The following GOLGA8K variants were observed in gnomAD, a reference collection of about 807,000 sequenced individuals.
GOLGA8K encodes the protein golgin A8 family member K.
GOLGA8K carries 12 observed loss-of-function variants against 75.2 expected under a neutral mutation model. The observed-to-expected ratio is 0.16, with a 90% confidence interval of 0.10 to 0.26. The LOEUF is 0.26. Among genes scored for constraint, GOLGA8K ranks in the 10% least tolerant of loss-of-function variants. GOLGA8K has a pLI of 1.00. For synonymous variants in GOLGA8K, 48 were observed against 236.6 expected, an observed-to-expected ratio of 0.20 and a Z score of 7.32; for missense variants, 109 against 640.8, an observed-to-expected ratio of 0.17 and a Z score of 8.96.
chr15:32,391,527 T>C lies in GOLGA8K; in HGVS notation c.*1255A>G, dbSNP rs1203786898. Among the ~76,000 whole-genome samples the C allele has an allele frequency of 3.3e-4, 39 of 117,894 alleles. 1 individual carries two copies. The highest frequency in any genetic ancestry group is 8.8e-3 in the Middle Eastern group (2 of 228). The allele number at this position is 117,894 out of a possible 152,430, so 77.3% of individuals were successfully genotyped here. A position where few individuals can be genotyped will look rare whatever the true frequency, so the allele number is the denominator to read the frequency against. ...TAGTTTATAATAATGTTTCTATTAT[T>C]TTTTAAAGTGTTTTCCATTCAAGGA... On this transcript the variant is annotated 3_prime_UTR_variant, in exon 19 of 19. Coordinates refer to ENST00000512626, the MANE Select transcript of GOLGA8K (RefSeq NM_001282493.2).
rs2054537238 is a variant in GOLGA8K at position 32,391,537 on chromosome 15, G to A, written c.*1245C>T. 8.7e-6 allele frequency among the ~76,000 whole-genome samples: 1 copy of A among 115,290 alleles called. No homozygotes were observed. Among genetic ancestry groups the A allele is most frequent in the African/African-American group, 2.6e-5 (1 of 38,116 alleles). 75.6% of individuals were successfully genotyped at this position (115,290 alleles called of 152,430 possible). On this transcript the variant is annotated 3_prime_UTR_variant, in exon 19 of 19. Transcript: ENST00000512626. ...TAATGTTTCTATTATTTTTTAAAGTGTTTTCCATTCAAGGAAAAAGAAGTA... is the reference window on the plus strand; with the variant it reads ...TAATGTTTCTATTATTTTTTAAAGTATTTTCCATTCAAGGAAAAAGAAGTA...
At position 32,394,691 on chromosome 15, in the gene GOLGA8K, A is replaced by T. The variant is rs1281876134; in HGVS notation, c.1250T>A (p.Leu417Gln). Reference protein sequence around the residue: ...SQQNQQLTAQLSLMALPGEGH... With the variant: ...SQQNQQLTAQQSLMALPGEGH... ...TTCCCCAGGGAGAGCCATGAGGCTC[A>T]GCTGGGCCGTTAGCTGCTGGTTCTG... The change falls in exon 14 of 19, where the codon CTG (leucine) becomes CAG (glutamine). Residue 417 changes from leucine (L) to glutamine (Q), a missense_variant. Leu to Gln is a moderately radical substitution (Grantham distance 113, BLOSUM62 -2). Transcript: ENST00000512626. 2.6e-6 allele frequency: 4 copies of T among 1,543,904 alleles called. No individual in the cohort carries two copies. Among genetic ancestry groups the T allele is most frequent in the Middle Eastern group, 2.1e-4 (1 of 4,782 alleles).
chr15:32,391,209 G>C lies in GOLGA8K; in HGVS notation c.*1573C>G, dbSNP rs2054532769. The stretch of plus-strand genomic sequence containing the variant: ...GATTTAGGCAATATATAACTGAAAT[G>C]TATTCATTCATCATGCATAGGCACA... On this transcript the variant is annotated 3_prime_UTR_variant, in exon 19 of 19. Coordinates refer to ENST00000512626, the MANE Select transcript of GOLGA8K (RefSeq NM_001282493.2). Among the ~76,000 whole-genome samples, 1 of 60,142 alleles carries C rather than the reference G, an allele frequency of 1.7e-5. No individual in the cohort carries two copies. Among genetic ancestry groups the C allele is most frequent in the Admixed American group, 2.3e-4 (1 of 4,404 alleles). The allele number at this position is 60,142 out of a possible 152,430, so 39.5% of individuals were successfully genotyped here. A position where few individuals can be genotyped will look rare whatever the true frequency, so the allele number is the denominator to read the frequency against.
At position 32,398,032 on chromosome 15, in the gene GOLGA8K, A is replaced by C. The variant is rs1435485117; in HGVS notation, c.591+528T>G. Among the ~76,000 whole-genome samples the C allele has an allele frequency of 7.9e-5, 12 of 152,180 alleles. No homozygotes were observed. The East Asian group carries it at 1.2e-3, about 15-fold the overall frequency. On this transcript the variant is annotated intron_variant, in intron 8 of 18. Transcript: ENST00000512626. ...AATTAATCTTTTGTTCACTTTTTGA[A>C]AGGATGATACATTCACATAGTCCAA...
chr15:32,395,934 G>A (rs1466235418), intron 13 of GOLGA8K, 29 bp downstream of exon 13: 1 of 1,425,188 alleles, frequency 7.0e-7, no homozygotes, highest in African/African-American at 1.4e-5. Flanking sequence ...GCCCTTCTTG[G>A]ATGGGGTGGA....
At chr15:32,401,255 A>G in intron 2 of GOLGA8K, 101 bp downstream of exon 2, 1 of 424,486 alleles carries the variant, frequency 2.4e-6, no homozygotes, top group Non-Finnish European at 3.9e-6. Flanking sequence ...TAAAGCCAGA[A>G]TTCTTAACCA....
intron 8 of GOLGA8K, among the ~76,000 whole-genome samples, chr15:32,398,173 C>T (rs1484276873): frequency 7.0e-6 from 1 of 143,446 alleles, no homozygotes; most frequent in African/African-American, 2.6e-5. Context: ...TACACACACA[C>T]ACACACACAC....
In GOLGA8K at chr15:32,397,453, C is replaced by A; in HGVS notation, c.642G>T (p.Met214Ile). The change falls in exon 9 of 19, where the codon ATG (methionine) becomes ATT (isoleucine). Residue 214 changes from methionine to isoleucine, a missense_variant. By Grantham distance (10) the Met-to-Ile change is conservative. Coordinates refer to ENST00000512626, the MANE Select transcript of GOLGA8K (RefSeq NM_001282493.2). Reference protein sequence around the residue: ...ARTEWKLEQSMREEALLKVQL... With the variant: ...ARTEWKLEQSIREEALLKVQL... The stretch of plus-strand genomic sequence containing the variant: ...GCACTTTCAGTAGTGCCTCCTCCCG[C>A]ATGGACTGCTCTAACTTCCACTCCG... 3.2e-6 allele frequency: 5 copies of A among 1,541,900 alleles called. No individual in the cohort carries two copies. Among genetic ancestry groups the A allele is most frequent in the Non-Finnish European group, 3.6e-6 (4 of 1,123,066 alleles).
Position 32,397,226 on chromosome 15 carries a change from T to A in GOLGA8K, c.763A>T (p.Arg255Trp). 1 of 1,475,770 alleles carries A rather than the reference T, an allele frequency of 6.8e-7. No homozygotes were observed. The highest frequency in any genetic ancestry group is 2.3e-5 in the East Asian group (1 of 43,192). 91.4% of individuals were successfully genotyped at this position (1,475,770 alleles called of 1,614,324 possible). Residue 255 changes from arginine to tryptophan, a missense_variant, in exon 10 of 19, where the codon AGG (arginine) becomes TGG (tryptophan). Physicochemically the swap from Arg to Trp is moderately radical, Grantham distance 101. Transcript: ENST00000512626. ...LKGERARWQQ[R>W]MRKMSQEICT... ...ACCTCCTGCGACATTTTTCTCATCCTCTGCTGCCACCGGGCCCTCTCTCCT... is the reference window on the plus strand; with the variant it reads ...ACCTCCTGCGACATTTTTCTCATCCACTGCTGCCACCGGGCCCTCTCTCCT...
At chr15:32,395,558 TTTTTG>T (rs2054599972) in intron 13 of GOLGA8K, among the ~76,000 whole-genome samples, 1 of 148,254 alleles carries the variant, frequency 6.7e-6, no homozygotes, top group Non-Finnish European at 1.5e-5. Flanking sequence ...TTTTTTTTTT[TTTTTG>T]TAATTTTAGT....
Position 32,397,490 on chromosome 15 carries a change from C to G in GOLGA8K, c.605G>C (p.Ser202Thr), listed in dbSNP as rs1304760194. The G allele has an allele frequency of 6.6e-7, 1 of 1,507,564 alleles. No individual in the cohort carries two copies. The highest frequency in any genetic ancestry group is 1.9e-5 in the Admixed American group (1 of 53,736). 93.4% of individuals were successfully genotyped at this position (1,507,564 alleles called of 1,614,324 possible). A position where few individuals can be genotyped will look rare whatever the true frequency, so the allele number is the denominator to read the frequency against. ...TAACTTCCACTCCGTACGTGCTTTG[C>G]TGCGGCTGGACAACTGGATGGTGAA... ...KKKANQLSSR[S>T]KARTEWKLEQ... The change falls in exon 9 of 19, where the codon AGC becomes ACC. Residue 202 changes from serine (S) to threonine (T), a missense_variant. Physicochemically the swap from Ser to Thr is moderately conservative, Grantham distance 58. Coordinates refer to ENST00000512626, the MANE Select transcript of GOLGA8K (RefSeq NM_001282493.2).
In GOLGA8K at chr15:32,397,556, A is replaced by C. The variant is rs2140285204; in HGVS notation, c.592-53T>G. 11 of 1,461,754 alleles carry C rather than the reference A, an allele frequency of 7.5e-6. No individual in the cohort carries two copies. In the South Asian group the frequency reaches 1.0e-4, roughly 14 times the overall value. 90.5% of individuals were successfully genotyped at this position (1,461,754 alleles called of 1,614,324 possible). A position where few individuals can be genotyped will look rare whatever the true frequency, so the allele number is the denominator to read the frequency against. On this transcript the variant is annotated intron_variant, in intron 8 of 18. Coordinates refer to ENST00000512626, the MANE Select transcript of GOLGA8K (RefSeq NM_001282493.2). ...ATCTGGAGAGCCTGGGCATTTCCAC[A>C]CAGTGCCCCTTAACAGGGCTAGGGC... is the stretch of plus-strand genomic sequence containing the variant.
At chr15:32,395,144 C>T (rs2054593209) in intron 13 of GOLGA8K, among the ~76,000 whole-genome samples, 2 of 136,340 alleles carry the variant, frequency 1.5e-5, no homozygotes, top group Non-Finnish European at 3.3e-5. Context: ...GCTCTGTCAG[C>T]TGCCCAGGCC....
In GOLGA8K at chr15:32,400,348, G is replaced by A; in HGVS notation, c.228+54C>T. 3.1e-6 allele frequency: 3 copies of A among 963,436 alleles called. 1 individual carries two copies. The highest frequency in any genetic ancestry group is 4.0e-6 in the Non-Finnish European group (3 of 758,856). The allele number at this position is 963,436 out of a possible 1,614,324, so 59.7% of individuals were successfully genotyped here. On this transcript the variant is annotated intron_variant, in intron 3 of 18. Coordinates refer to ENST00000512626, the MANE Select transcript of GOLGA8K (RefSeq NM_001282493.2). Reference sequence around the variant, plus strand: ...GGGCACCCAGTCCCACCTGGAGGAGGAGGTTGGAGGGTTGACCCGAAGGGT... The same window carrying A: ...GGGCACCCAGTCCCACCTGGAGGAGAAGGTTGGAGGGTTGACCCGAAGGGT...
At chr15:32,395,838 G>T (rs202245038) in intron 13 of GOLGA8K, 125 bp downstream of exon 13, 3 of 1,501,738 alleles carry the variant, frequency 2.0e-6, no homozygotes, top group East Asian at 2.4e-5. Flanking sequence ...GACTGCCCTG[G>T]GGGGTGCTGT....
chr15:32,397,566 T>C lies in GOLGA8K; in HGVS notation c.592-63A>G, dbSNP rs1340625000. 2.9e-5 allele frequency: 44 copies of C among 1,492,764 alleles called. 1 individual carries two copies. The highest frequency in any genetic ancestry group is 4.1e-5 in the Non-Finnish European group (44 of 1,078,256). 92.5% of individuals were successfully genotyped at this position (1,492,764 alleles called of 1,614,324 possible). A position where few individuals can be genotyped will look rare whatever the true frequency, so the allele number is the denominator to read the frequency against. On this transcript the variant is annotated intron_variant, in intron 8 of 18. Transcript: ENST00000512626. ...CCTGGGCATTTCCACACAGTGCCCC[T>C]TAACAGGGCTAGGGCTAGGCCCAAT...
rs1566975474 is a variant in GOLGA8K at position 32,396,371 on chromosome 15, C to G, written c.1047G>C (p.Arg349Ser). 7.8e-7 allele frequency: 1 copy of G among 1,279,088 alleles called. No individual in the cohort carries two copies. The highest frequency in any genetic ancestry group is 1.1e-6 in the Non-Finnish European group (1 of 942,690). The allele number at this position is 1,279,088 out of a possible 1,614,324, so 79.2% of individuals were successfully genotyped here. ...QEERIQEQEE[R>S]LRKQEERIQE... ...GAATCCTCTCCTCCTGCTTCCGAAG[C>G]CTCTCTTCCTGCTCCTGAATCCTCT... Residue 349 changes from arginine (R) to serine (S), a missense_variant, in exon 12 of 19, where the codon AGG becomes AGC. By Grantham distance (110) the Arg-to-Ser change is moderately radical. Coordinates refer to ENST00000512626, the MANE Select transcript of GOLGA8K (RefSeq NM_001282493.2).
intron 13 of GOLGA8K, 114 bp downstream of exon 13, chr15:32,395,849 G>A (rs2054605732): frequency 2.0e-6 from 3 of 1,517,272 alleles, no homozygotes; most frequent in South Asian, 1.2e-5. Flanking sequence ...GGGGTGCTGT[G>A]GTCACCAGCC....
Position 32,400,224 on chromosome 15 carries a change from A to G in GOLGA8K, c.229-4T>C. 2.3e-6 allele frequency: 2 copies of G among 865,812 alleles called. 1 individual carries two copies. Among genetic ancestry groups the G allele is most frequent in the Non-Finnish European group, 2.9e-6 (2 of 681,608 alleles). 53.6% of individuals were successfully genotyped at this position (865,812 alleles called of 1,614,324 possible). On this transcript the variant is annotated splice_region_variant and splice_polypyrimidine_tract_variant and intron_variant, in intron 3 of 18. Coordinates refer to ENST00000512626, the MANE Select transcript of GOLGA8K (RefSeq NM_001282493.2). ...CTGCTCGTTCTTGGCACGGGCTCTG[A>G]GGTGCATGCAGAGAGGAGGAGGTGG...
Sources: gnomAD v4.1 joint callset for allele counts (sites outside exome capture counted in the v4.1 genomes callset) on GRCh38, gnomAD v4.1.1 for gene constraint, MANE v1.5 for transcripts, NCBI Gene and HGNC (gene_info 2026-07-23, HGNC 2026-07-21) for gene names.